The following SYK variants were observed in gnomAD, a reference collection of about 807,000 sequenced individuals.
SYK encodes tyrosine-protein kinase SYK.
Under a neutral mutation model 77.8 loss-of-function variants are expected in SYK, and 16 were observed. That is an observed-to-expected ratio of 0.21 (90% CI 0.14 to 0.31). SYK has a LOEUF of 0.31. SYK is among the 10% of genes least tolerant of loss of function. The probability of loss-of-function intolerance (pLI) is 1.00; values close to 1 mark genes in which losing one functional copy is unlikely to be tolerated. For missense variants in SYK, 529 were observed against 814.4 expected, an observed-to-expected ratio of 0.65 and a Z score of 4.26; for synonymous variants, 312 against 308.7, an observed-to-expected ratio of 1.01 and a Z score of -0.11.
At chr9:90,882,821 G>A (rs1187019595) in intron 11 of SYK, among the ~76,000 whole-genome samples, 2 of 152,212 alleles carry the variant, frequency 1.3e-5, no homozygotes, top group Non-Finnish European at 2.9e-5. Flanking sequence ...AAGGCAGCCT[G>A]CTTGGCCAGG....
At chr9:90,825,922 G>C (rs1471181007) in intron 1 of SYK, among the ~76,000 whole-genome samples, 1 of 152,196 alleles carries the variant, frequency 6.6e-6, no homozygotes, top group Non-Finnish European at 1.5e-5. Flanking sequence ...CTTGGGCCAA[G>C]GTTCTCAAAC....
chr9:90,868,901 C>T (rs913026603), intron 7 of SYK, among the ~76,000 whole-genome samples: 5 of 152,096 alleles, frequency 3.3e-5, no homozygotes, highest in African/African-American at 1.2e-4. Flanking sequence ...AATTTAAATG[C>T]CTATCAATGG....
At chr9:90,810,910 G>A (rs1481488819) in intron 1 of SYK, among the ~76,000 whole-genome samples, 1 of 152,192 alleles carries the variant, frequency 6.6e-6, no homozygotes, top group Non-Finnish European at 1.5e-5. Context: ...TTGCACACCA[G>A]GCGGGGGAGG....
At chr9:90,877,308 A>G (rs290224) in intron 9 of SYK, among the ~76,000 whole-genome samples, 86,722 of 152,072 alleles carry the variant, frequency 0.57, 25,925 homozygotes, top group East Asian at 0.95. Context: ...CTCCCAAAGT[A>G]TGGGGATTGT....
chr9:90,877,551 T>A lies in SYK; in HGVS notation c.1182-20T>A, dbSNP rs766712463. 1.2e-6 allele frequency: 2 copies of A among 1,613,570 alleles called. No individual in the cohort carries two copies. Among genetic ancestry groups the A allele is most frequent in the African/African-American group, 2.7e-5 (2 of 74,888 alleles). On this transcript the variant is annotated intron_variant, in intron 9 of 13. Coordinates refer to ENST00000375754, the MANE Select transcript of SYK (RefSeq NM_003177.7). Reference sequence around the variant, plus strand: ...GAGGCATTTTGGAAAGTTTCTTGTGTGTTATGATTTCTCTTGCAGAGTTGT... The same window carrying A: ...GAGGCATTTTGGAAAGTTTCTTGTGAGTTATGATTTCTCTTGCAGAGTTGT...
chr9:90,861,517 T>G (rs1022821934), intron 3 of SYK, among the ~76,000 whole-genome samples: 1 of 118,036 alleles, frequency 8.5e-6, no homozygotes. Flanking sequence ...CATTGGGAGC[T>G]TGGAAGTCCA....
chr9:90,882,445 G>A (rs1296951536), intron 11 of SYK, among the ~76,000 whole-genome samples: 1 of 152,154 alleles, frequency 6.6e-6, no homozygotes, highest in African/African-American at 2.4e-5. Context: ...ACCCCAATGA[G>A]ACCTCACACA....
intron 3 of SYK, 94 bp from the exon 4 acceptor site, chr9:90,862,112 G>A (rs529133609): frequency 2.5e-5 from 35 of 1,404,230 alleles, no homozygotes; most frequent in African/African-American, 2.0e-4. Flanking sequence ...CCCAGAGAGC[G>A]GCTGCTGACC....
chr9:90,842,595 A>C (rs1826408932), intron 1 of SYK, among the ~76,000 whole-genome samples: 1 of 141,934 alleles, frequency 7.0e-6, no homozygotes, highest in Non-Finnish European at 1.6e-5. Context: ...GTAGCATGTG[A>C]TGTGTGTAGT....
chr9:90,850,250 G>A (rs1039297389), intron 3 of SYK, among the ~76,000 whole-genome samples: 3 of 152,352 alleles, frequency 2.0e-5, no homozygotes, highest in African/African-American at 7.2e-5. Flanking sequence ...CGGGCATGGT[G>A]GCTCATGCCT....
At chr9:90,858,471 G>A (rs1827125682) in intron 3 of SYK, among the ~76,000 whole-genome samples, 1 of 152,248 alleles carries the variant, frequency 6.6e-6, no homozygotes, top group Non-Finnish European at 1.5e-5. Context: ...AACAGCCTGA[G>A]GCCAGATGAC....
rs201613254 is a variant in SYK at position 90,865,145 on chromosome 9, C to T, written c.846+48C>T. ...CTGAATGAGAAGCTGTTGCATATTT[C>T]ACAAATGAAAAGCATGTTTTAGCTA... On this transcript the variant is annotated intron_variant, in intron 6 of 13. Coordinates refer to ENST00000375754, the MANE Select transcript of SYK (RefSeq NM_003177.7). The T allele has an allele frequency of 6.2e-5, 98 of 1,576,034 alleles. No homozygotes were observed. In the Middle Eastern group the frequency reaches 3.5e-3, roughly 56 times the overall value.
chr9:90,839,776 G>C (rs1826225652), intron 1 of SYK, among the ~76,000 whole-genome samples: 1 of 152,134 alleles, frequency 6.6e-6, no homozygotes, highest in Non-Finnish European at 1.5e-5. Context: ...ACAAGCATCG[G>C]GGCCAGGTAC....
At chr9:90,851,637 G>A (rs530913377) in intron 3 of SYK, among the ~76,000 whole-genome samples, 1 of 152,290 alleles carries the variant, frequency 6.6e-6, no homozygotes, top group African/African-American at 2.4e-5. Context: ...AGGGACCAAG[G>A]CAAGGGAGAG....
intron 1 of SYK, among the ~76,000 whole-genome samples, chr9:90,816,620 A>G (rs1187421881): frequency 5.9e-5 from 9 of 152,210 alleles, no homozygotes; most frequent in Non-Finnish European, 2.9e-5. Flanking sequence ...CAATTAACAT[A>G]CCCATCATCA....
At chr9:90,852,970 C>T (rs1256111259) in intron 3 of SYK, among the ~76,000 whole-genome samples, 1 of 152,178 alleles carries the variant, frequency 6.6e-6, no homozygotes, top group East Asian at 1.9e-4. Flanking sequence ...CACCACGACA[C>T]TGGGCCTACG....
Position 90,896,506 on chromosome 9 carries a change from C to T in SYK, c.*906C>T. On this transcript the variant is annotated 3_prime_UTR_variant, in exon 14 of 14. Coordinates refer to ENST00000375754, the MANE Select transcript of SYK (RefSeq NM_003177.7). ...CCACAGAGAGGGTGCCGCCAGAATC[C>T]CCTGTCGCTTTCTGTGTCTGCAATG... The T allele has an allele frequency of 4.3e-6, 1 of 233,108 alleles. No homozygotes were observed. The highest frequency in any genetic ancestry group is 6.0e-5 in the East Asian group (1 of 16,574). The allele number at this position is 233,108 out of a possible 1,614,324, so 14.4% of individuals were successfully genotyped here. A position where few individuals can be genotyped will look rare whatever the true frequency, so the allele number is the denominator to read the frequency against.
chr9:90,881,905 C>T (rs181779933), intron 11 of SYK, among the ~76,000 whole-genome samples: 44 of 152,262 alleles, frequency 2.9e-4, no homozygotes, highest in Non-Finnish European at 4.4e-5. Flanking sequence ...AATCTGGAAA[C>T]TGCCTGACGA....
intron 1 of SYK, among the ~76,000 whole-genome samples, chr9:90,812,132 G>A (rs905033023): frequency 9.2e-5 from 14 of 151,950 alleles, no homozygotes; most frequent in Admixed American, 2.0e-4. Context: ...TTGGGGGGAG[G>A]GGAATAGAAT....
Sources: allele counts gnomAD v4.1 joint callset (sites outside exome capture counted in the v4.1 genomes callset), GRCh38; gene constraint gnomAD v4.1.1; transcripts MANE v1.5; gene names NCBI Gene and HGNC (gene_info 2026-07-23, HGNC 2026-07-21).